FAM81A: variants seen among roughly 807,000 people sequenced by gnomAD.
FAM81A encodes the protein protein FAM81A.
Under a neutral mutation model 46.7 loss-of-function variants are expected in FAM81A, and 19 were observed. The ratio of observed to expected loss-of-function variants is 0.41; its 90% CI spans 0.28 to 0.60. The LOEUF (loss-of-function observed/expected upper bound fraction) is 0.60, where lower values mean the gene tolerates loss of function less well. FAM81A is among the 20% of genes least tolerant of loss of function. FAM81A has a pLI of 0.34. For missense variants in FAM81A, 377 were observed against 453.5 expected (o/e 0.83, Z 1.53); for synonymous variants, 183 against 152.9 (o/e 1.20, Z -1.45).
At chr15:59,513,950 A>T (rs1211698228) in intron 6 of FAM81A, among the ~76,000 whole-genome samples, 2 of 152,172 alleles carry the variant, frequency 1.3e-5, no homozygotes, top group East Asian at 3.9e-4. Flanking sequence ...TCTGGAAGCC[A>T]TTATCCTCAG....
chr15:59,454,340 T>C (rs1223977866), intron 1 of FAM81A, among the ~76,000 whole-genome samples: 2 of 152,330 alleles, frequency 1.3e-5, no homozygotes, highest in African/African-American at 2.4e-5. Flanking sequence ...TTTAATTTAT[T>C]AAATTCATTT....
At chr15:59,493,750 G>C (rs957066862) in intron 4 of FAM81A, among the ~76,000 whole-genome samples, 3 of 152,208 alleles carry the variant, frequency 2.0e-5, no homozygotes, top group East Asian at 3.9e-4. Flanking sequence ...ACCACGGCCA[G>C]CTAAGTTTTG....
intron 4 of FAM81A, among the ~76,000 whole-genome samples, chr15:59,502,485 CTGTGTGTGTGTGTGTGTGTGTGTG>C (rs71119478): frequency 2.2e-5 from 3 of 138,206 alleles, no homozygotes; most frequent in Non-Finnish European, 4.7e-5. Flanking sequence ...GTTGACTTCA[CTGTGTGTGTGTGTGTGTGTGTGTG>C]TGTGTGTGTG....
At chr15:59,470,960 C>G (rs1567058065) in intron 3 of FAM81A, among the ~76,000 whole-genome samples, 1 of 151,998 alleles carries the variant, frequency 6.6e-6, no homozygotes, top group African/African-American at 2.4e-5. Flanking sequence ...GTAGCTGGAA[C>G]TACAGGTGCA....
chr15:59,507,440 G>T, intron 5 of FAM81A, 98 bp downstream of exon 5: 2 of 1,459,170 alleles, frequency 1.4e-6, no homozygotes, highest in Non-Finnish European at 1.9e-6. Flanking sequence ...ACCAGCTGGG[G>T]CATCTAGCAT....
At chr15:59,435,225 T>G (rs1445734474), upstream of FAM81A, among the ~76,000 whole-genome samples, 2 of 151,830 alleles carry the variant, frequency 1.3e-5, no homozygotes, top group Non-Finnish European at 2.9e-5. Flanking sequence ...AGGCAGAGGT[T>G]GCAGTGAGCC....
intron 4 of FAM81A, among the ~76,000 whole-genome samples, chr15:59,502,800 C>T (rs959323009): frequency 8.5e-5 from 13 of 152,084 alleles, no homozygotes; most frequent in Middle Eastern, 3.4e-3. Flanking sequence ...GGATTACAGG[C>T]GTGAGCCACC....
At chr15:59,446,155 T>C (rs2081352477) in intron 1 of FAM81A, among the ~76,000 whole-genome samples, 1 of 151,864 alleles carries the variant, frequency 6.6e-6, no homozygotes, top group Admixed American at 6.6e-5. Flanking sequence ...TACAGGTTCA[T>C]GTAGGATGTG....
intron 2 of FAM81A, among the ~76,000 whole-genome samples, chr15:59,431,678 T>C (rs1256361472): frequency 1.3e-5 from 2 of 152,196 alleles, no homozygotes; most frequent in Non-Finnish European, 2.9e-5. Context: ...TACCTTGGGG[T>C]ACATCTTCCC....
chr15:59,449,464 T>A (rs1426126375), intron 1 of FAM81A, among the ~76,000 whole-genome samples: 7 of 152,188 alleles, frequency 4.6e-5, no homozygotes, highest in Non-Finnish European at 1.0e-4. Flanking sequence ...GGCATATTAT[T>A]TGGCATGTTT....
At chr15:59,445,367 T>G (rs1035933299) in intron 1 of FAM81A, 6 of 152,182 alleles carry the variant, frequency 3.9e-5, no homozygotes, top group Non-Finnish European at 7.3e-5. Context: ...TTCTTAAAAT[T>G]GTTGAACCGG....
rs145979423 is a variant in FAM81A at position 59,497,911 on chromosome 15, G to T, written c.413+5522G>T. Among the ~76,000 whole-genome samples, 200 of 152,306 alleles carry T rather than the reference G, an allele frequency of 1.3e-3. 1 individual carries two copies. Among genetic ancestry groups the T allele is most frequent in the South Asian group, 7.7e-3 (37 of 4,818 alleles). On this transcript the variant is annotated intron_variant, in intron 4 of 8. Transcript: ENST00000288228. ...CTTCCTTTGTTGCCCACACTGGAGT[G>T]CAGTGGCATGATCACAATTCCCTGC...
At chr15:59,504,323 A>C (rs1219610472) in intron 4 of FAM81A, among the ~76,000 whole-genome samples, 1 of 152,194 alleles carries the variant, frequency 6.6e-6, no homozygotes, top group African/African-American at 2.4e-5. Context: ...CTAGTACAGT[A>C]CCTAGTACAT....
intron 3 of FAM81A, among the ~76,000 whole-genome samples, chr15:59,479,509 T>TAA (rs2081819885): frequency 1.1e-5 from 1 of 94,260 alleles, no homozygotes. Context: ...AGACTCTGTC[T>TAA]CAAAAATAAG....
Position 59,458,641 on chromosome 15 carries a change from T to C in FAM81A, c.15T>C (p.His5=). ...AGGTATAATATATGGAAAATATGCATCTAAGGTATACTTTTCCTTTCCACT... is the reference window on the plus strand; with the variant it reads ...AGGTATAATATATGGAAAATATGCACCTAAGGTATACTTTTCCTTTCCACT... MENM[H]LRRVRTMPRH... Residue 5 remains histidine (H), a synonymous_variant, in exon 2 of 9, where the codon CAT becomes CAC. Coordinates refer to ENST00000288228, the MANE Select transcript of FAM81A (RefSeq NM_152450.3). 1 of 1,613,740 alleles carries C rather than the reference T, an allele frequency of 6.2e-7. No homozygotes were observed. Among genetic ancestry groups the C allele is most frequent in the Non-Finnish European group, 8.5e-7 (1 of 1,179,624 alleles).
At chr15:59,409,035 T>A (rs970042598) in intron 2 of FAM81A, 2 of 152,180 alleles carry the variant, frequency 1.3e-5, no homozygotes, top group African/African-American at 2.4e-5. Context: ...TTTAATAAAA[T>A]TTTAAAAATT....
At chr15:59,502,484 A>AGT (rs2082102903) in intron 4 of FAM81A, among the ~76,000 whole-genome samples, 4 of 80,508 alleles carry the variant, frequency 5.0e-5, no homozygotes, top group Admixed American at 1.3e-4. Context: ...AGTTGACTTC[A>AGT]CTGTGTGTGT....
At chr15:59,456,494 T>G (rs2081486160) in intron 1 of FAM81A, among the ~76,000 whole-genome samples, 1 of 152,206 alleles carries the variant, frequency 6.6e-6, no homozygotes, top group South Asian at 2.1e-4. Context: ...CTGACCTAGC[T>G]GCTACCCAGG....
At chr15:59,494,055 G>A (rs1161988708) in intron 4 of FAM81A, among the ~76,000 whole-genome samples, 1 of 152,162 alleles carries the variant, frequency 6.6e-6, no homozygotes, top group Non-Finnish European at 1.5e-5. Context: ...TATGTTGAAG[G>A]GGGATTCCAG....
Sources: allele counts gnomAD v4.1 joint callset (sites outside exome capture counted in the v4.1 genomes callset), GRCh38; gene constraint gnomAD v4.1.1; transcripts MANE v1.5; gene names NCBI Gene and HGNC (gene_info 2026-07-23, HGNC 2026-07-21).